NCKAP5: variants seen among roughly 807,000 people sequenced by gnomAD.
The protein encoded by NCKAP5 is NCK associated protein 5, also known as nck-associated protein 5.
Under a neutral mutation model 167.0 loss-of-function variants are expected in NCKAP5, and 92 were observed. The observed-to-expected ratio is 0.55, with a 90% confidence interval of 0.47 to 0.66. The LOEUF (loss-of-function observed/expected upper bound fraction) is 0.66, where lower values mean the gene tolerates loss of function less well. NCKAP5 is among the 30% of genes least tolerant of loss of function. The probability of loss-of-function intolerance (pLI) is 0.00; values close to 1 mark genes in which losing one functional copy is unlikely to be tolerated. For missense variants in NCKAP5, 2,378 were observed against 2,315.0 expected, an observed-to-expected ratio of 1.03 and a Z score of -0.56; for synonymous variants, 891 against 877.4, an observed-to-expected ratio of 1.02 and a Z score of -0.27.
intron 4 of NCKAP5, among the ~76,000 whole-genome samples, chr2:133,258,763 AAG>A (rs1460435373): frequency 7.9e-5 from 12 of 151,314 alleles, no homozygotes; most frequent in African/African-American, 2.9e-4. Flanking sequence ...AAAAAAAAAG[AAG>A]AAGAAGAGAA....
At chr2:132,725,939 T>A (rs901830544) in intron 18 of NCKAP5, among the ~76,000 whole-genome samples, 180 bp from the exon 19 acceptor site, 1 of 152,164 alleles carries the variant, frequency 6.6e-6, no homozygotes, top group Non-Finnish European at 1.5e-5. Flanking sequence ...TTCTGCCTCC[T>A]GAGGAGCTGA....
the NCKAP5 span, among the ~76,000 whole-genome samples, chr2:133,623,683 T>G: frequency 3.3e-3 from 506 of 152,164 alleles, 2 homozygotes; most frequent in African/African-American, 0.012. Context: ...GGAACACTTT[T>G]ACACACTGTT....
Position 132,842,035 on chromosome 2 carries a change from T to A in NCKAP5, c.807+18457A>T, listed in dbSNP as rs532712078. 7.2e-5 allele frequency among the ~76,000 whole-genome samples: 11 copies of A among 152,294 alleles called. No individual in the cohort carries two copies. In the East Asian group the frequency reaches 2.1e-3, roughly 29 times the overall value. On this transcript the variant is annotated intron_variant, in intron 11 of 19. Coordinates refer to ENST00000409261, the MANE Select transcript of NCKAP5 (RefSeq NM_207363.3). ...GCTTAACCTTTTGTATGGTATGACA[T>A]AATCTAAATAATATTGGCATTACAC...
At chr2:132,823,298 A>G (rs1686893368) in intron 11 of NCKAP5, among the ~76,000 whole-genome samples, 2 of 152,280 alleles carry the variant, frequency 1.3e-5, no homozygotes, top group South Asian at 4.1e-4. Context: ...GAGCTGTGAG[A>G]CAAAACCATA....
At chr2:133,576,375 G>T in the NCKAP5 span, among the ~76,000 whole-genome samples, 916 of 152,332 alleles carry the variant, frequency 6.0e-3, 29 homozygotes, top group Admixed American at 0.053. Flanking sequence ...CAAAGGGCAG[G>T]TAAGCTTGAA....
the NCKAP5 span, among the ~76,000 whole-genome samples, chr2:133,628,737 C>G: frequency 1.3e-5 from 2 of 152,138 alleles, no homozygotes; most frequent in Non-Finnish European, 2.9e-5. Context: ...TGACTTCAAA[C>G]TATACAAGGC....
chr2:132,798,281 C>T (rs1033266152), intron 11 of NCKAP5, among the ~76,000 whole-genome samples: 5 of 152,142 alleles, frequency 3.3e-5, no homozygotes, highest in East Asian at 1.9e-4. Context: ...CGGAACCCGA[C>T]AAAATACATC....
rs188612702 is a variant in NCKAP5, at chr2:132,779,829, T to A, written c.5049+1223A>T. Among the ~76,000 whole-genome samples the A allele has an allele frequency of 3.1e-3, 468 of 152,258 alleles. 3 individuals are homozygous for A. The highest frequency in any genetic ancestry group is 0.011 in the African/African-American group (446 of 41,554). ...AATGTCAACCATGGTCACTTTAAAA[T>A]CTCCTCTACTCTTGAATGACCCCAG... On this transcript the variant is annotated intron_variant, in intron 15 of 19. Coordinates refer to ENST00000409261, the MANE Select transcript of NCKAP5 (RefSeq NM_207363.3).
intron 6 of NCKAP5, among the ~76,000 whole-genome samples, chr2:133,116,487 C>CAA (rs1176731938): frequency 0.018 from 130 of 7,102 alleles, 11 homozygotes; most frequent in Non-Finnish European, 0.024. Context: ...GACTCCGTCT[C>CAA]AAAAAAAAAA....
chr2:132,812,658 G>A (rs557328216), intron 11 of NCKAP5, among the ~76,000 whole-genome samples: 2 of 152,342 alleles, frequency 1.3e-5, no homozygotes, highest in Middle Eastern at 6.8e-3. Context: ...TTTTAGCACA[G>A]CTAAGAGATG....
intron 8 of NCKAP5, among the ~76,000 whole-genome samples, chr2:132,912,899 T>C (rs1277083991): frequency 6.6e-6 from 1 of 152,046 alleles, no homozygotes; most frequent in East Asian, 1.9e-4. Context: ...TTTGAAATGA[T>C]ATAGAATTTT....
rs566497298 is a variant in NCKAP5, at chr2:133,063,050, A to G, written c.341+66928T>C. 9.2e-5 allele frequency among the ~76,000 whole-genome samples: 14 copies of G among 152,336 alleles called. 1 individual carries two copies. The highest frequency in any genetic ancestry group is 3.4e-4 in the African/African-American group (14 of 41,586). On this transcript the variant is annotated intron_variant, in intron 6 of 19. Transcript: ENST00000409261. ...GCACTAGAAGAGGCAGGCAAAACCCAGCTCCCATGGAAGGCACTAGCTGTA... is the reference window on the plus strand; with the variant it reads ...GCACTAGAAGAGGCAGGCAAAACCCGGCTCCCATGGAAGGCACTAGCTGTA...
At chr2:133,276,322 G>A (rs537036448) in intron 4 of NCKAP5, among the ~76,000 whole-genome samples, 1 of 152,078 alleles carries the variant, frequency 6.6e-6, no homozygotes, top group South Asian at 2.1e-4. Flanking sequence ...ATGTTATTCA[G>A]GGAATTTTGA....
chr2:132,973,520 C>T (rs750231158), intron 7 of NCKAP5, among the ~76,000 whole-genome samples: 3 of 152,152 alleles, frequency 2.0e-5, no homozygotes, highest in Non-Finnish European at 4.4e-5. Context: ...TCAAAGGTCT[C>T]TTCTCACTTT....
rs570489951 is a variant in NCKAP5, at chr2:133,488,235, T to C, written c.69+29223A>G. ...TTAGCTTGGAGAAGTGTTTTTTGTT[T>C]GATTTTCTCAGGTCCCTTGACCTCC... On this transcript the variant is annotated intron_variant, in intron 3 of 19. Coordinates refer to ENST00000409261, the MANE Select transcript of NCKAP5 (RefSeq NM_207363.3). 2.6e-5 allele frequency among the ~76,000 whole-genome samples: 4 copies of C among 152,324 alleles called. 1 individual carries two copies. The South Asian group carries it at 8.3e-4, about 32-fold the overall frequency.
chr2:133,661,706 C>A, the NCKAP5 span, among the ~76,000 whole-genome samples: 4 of 152,142 alleles, frequency 2.6e-5, no homozygotes, highest in Non-Finnish European at 5.9e-5. Flanking sequence ...GCCTTGGCAG[C>A]TATTTGAGTT....
chr2:133,462,320 C>A (rs1276576827), intron 3 of NCKAP5, among the ~76,000 whole-genome samples: 9 of 152,102 alleles, frequency 5.9e-5, no homozygotes, highest in Non-Finnish European at 1.3e-4. Context: ...AATGGATGGG[C>A]AGATGTCTTG....
chr2:132,903,117 G>A (rs943482454), intron 8 of NCKAP5, among the ~76,000 whole-genome samples: 1 of 152,206 alleles, frequency 6.6e-6, no homozygotes, highest in African/African-American at 2.4e-5. Flanking sequence ...AATGCATGGA[G>A]AGCACTGAAG....
At position 133,537,318 on chromosome 2, in the gene NCKAP5, G is replaced by A. The variant is rs149089847; in HGVS notation, c.-61-19731C>T. 1.6e-3 allele frequency among the ~76,000 whole-genome samples: 248 copies of A among 152,084 alleles called. 1 individual carries two copies. Among genetic ancestry groups the A allele is most frequent in the Non-Finnish European group, 2.3e-3 (153 of 67,900 alleles). Reference sequence around the variant, plus strand: ...CCATATGGAAATTCATATGAATTTTGAGATCAACTTATAAATGTCTGCAAA... The same window carrying A: ...CCATATGGAAATTCATATGAATTTTAAGATCAACTTATAAATGTCTGCAAA... On this transcript the variant is annotated intron_variant, in intron 2 of 19. Transcript: ENST00000409261.
Sources: gnomAD v4.1 joint callset for allele counts (sites outside exome capture counted in the v4.1 genomes callset) on GRCh38, gnomAD v4.1.1 for gene constraint, MANE v1.5 for transcripts, NCBI Gene and HGNC (gene_info 2026-07-23, HGNC 2026-07-21) for gene names.